Variants in SRPK2 observed in about 807,000 individuals in gnomAD.
SRPK2 encodes the protein SFRS protein kinase 2.
In SRPK2, 21 loss-of-function variants were observed where a neutral mutation model predicts 90.8. The observed-to-expected ratio is 0.23, with a 90% CI of 0.16 to 0.33. The LOEUF (loss-of-function observed/expected upper bound fraction) is 0.33. Ranked by LOEUF, SRPK2 falls within the 10% of genes least tolerant of loss-of-function variation. The pLI is 1.00. For synonymous variants in SRPK2, 288 were observed against 311.1 expected (o/e 0.93, Z 0.78); for missense variants, 620 against 869.0 (o/e 0.71, Z 3.60).
At chr7:105,215,770 T>C (rs1797385874) in intron 2 of SRPK2, among the ~76,000 whole-genome samples, 1 of 152,118 alleles carries the variant, frequency 6.6e-6, no homozygotes, top group Non-Finnish European at 1.5e-5. Context: ...TTGTATAAAA[T>C]GATTACAATA....
intron 1 of SRPK2, among the ~76,000 whole-genome samples, chr7:105,396,285 G>A (rs1822319534): frequency 6.6e-6 from 1 of 151,860 alleles, no homozygotes; most frequent in South Asian, 2.1e-4. Context: ...CAGTCCAGTA[G>A]TTTGACTCCA....
chr7:105,286,708 A>T (rs1306329441), intron 2 of SRPK2, among the ~76,000 whole-genome samples: 1 of 152,238 alleles, frequency 6.6e-6, no homozygotes, highest in Admixed American at 6.5e-5. Flanking sequence ...TAAAATGACA[A>T]TATTGCAAAT....
At chr7:105,271,542 T>G (rs1805830461) in intron 2 of SRPK2, among the ~76,000 whole-genome samples, 1 of 152,248 alleles carries the variant, frequency 6.6e-6, no homozygotes, top group East Asian at 1.9e-4. Context: ...TCCATAGGTC[T>G]GGTAATTCCC....
intron 2 of SRPK2, among the ~76,000 whole-genome samples, chr7:105,250,663 TA>T (rs1424054266): frequency 2.6e-5 from 4 of 152,244 alleles, no homozygotes; most frequent in Non-Finnish European, 5.9e-5. Context: ...AGATCTACTT[TA>T]AAAACATTTA....
At chr7:105,267,631 C>T (rs1274039484) in intron 2 of SRPK2, among the ~76,000 whole-genome samples, 1 of 152,090 alleles carries the variant, frequency 6.6e-6, no homozygotes, top group African/African-American at 2.4e-5. Context: ...TTGTGATGCC[C>T]TAAGTTAGAG....
At chr7:105,163,666 C>T (rs1808050822) in intron 6 of SRPK2, among the ~76,000 whole-genome samples, 6 of 152,124 alleles carry the variant, frequency 3.9e-5, no homozygotes, top group Admixed American at 3.9e-4. Flanking sequence ...ACAAAATTAG[C>T]TGGGCGTGGT....
In SRPK2 at chr7:105,140,635, A is replaced by G. The variant is rs367885277; in HGVS notation, c.1543+1373T>C. Among the ~76,000 whole-genome samples the G allele has an allele frequency of 3.3e-5, 5 of 151,940 alleles. No individual in the cohort carries two copies. The East Asian group carries it at 9.7e-4, about 30-fold the overall frequency. On this transcript the variant is annotated intron_variant, in intron 11 of 15. Transcript: ENST00000393651. ...TAAATAAATGAATGAATAAAATAGA[A>G]ATAATTAAAAAGGTACTTTGTAAAT... is the stretch of plus-strand genomic sequence containing the variant.
At chr7:105,242,501 G>A (rs537100615) in intron 2 of SRPK2, among the ~76,000 whole-genome samples, 2 of 152,024 alleles carry the variant, frequency 1.3e-5, no homozygotes, top group Non-Finnish European at 2.9e-5. Context: ...AAAGGGCGAG[G>A]TTCCATCTCA....
Position 105,374,545 on chromosome 7 carries a change from A to T in SRPK2, c.71+14103T>A, listed in dbSNP as rs117112177. On this transcript the variant is annotated intron_variant, in intron 2 of 15. Coordinates refer to ENST00000393651, the MANE Select transcript of SRPK2 (RefSeq NM_182692.3). ...GCAATAGGGAAATATTTAAGCAAAT[A>T]AAACAAATTAGAATGTTAGTCATTA... Among the ~76,000 whole-genome samples, 804 of 152,348 alleles carry T rather than the reference A, an allele frequency of 5.3e-3. 11 individuals are homozygous for T. In the East Asian group the frequency reaches 0.055, roughly 10 times the overall value.
intron 2 of SRPK2, among the ~76,000 whole-genome samples, chr7:105,301,287 A>G (rs1487867807): frequency 6.2e-4 from 4 of 6,488 alleles, no homozygotes; most frequent in Non-Finnish European, 2.4e-3. Flanking sequence ...CTAAAAATAC[A>G]AAAAAAAAAA....
In SRPK2 at chr7:105,116,432, CA is replaced by C. The variant is rs1799632859; in HGVS notation, c.*1405del. Reference sequence around the variant, plus strand: ...TTAAGACAACTGCAAGCACCTCAAACAATGGATTATTGTTACAACACTTGTT... The same window carrying C: ...TTAAGACAACTGCAAGCACCTCAAACATGGATTATTGTTACAACACTTGTT... On this transcript the variant is annotated 3_prime_UTR_variant, in exon 16 of 16. Transcript: ENST00000393651. 2.0e-5 allele frequency: 3 copies of C among 151,772 alleles called. No homozygotes were observed. Among genetic ancestry groups the C allele is most frequent in the Non-Finnish European group, 4.4e-5 (3 of 67,872 alleles). The allele number at this position is 151,772 out of a possible 1,614,324, so 9.4% of individuals were successfully genotyped here.
At chr7:105,373,393 T>C (rs901849552) in intron 2 of SRPK2, among the ~76,000 whole-genome samples, 13 of 147,564 alleles carry the variant, frequency 8.8e-5, no homozygotes, top group Non-Finnish European at 1.9e-4. Flanking sequence ...AAAAAAATTT[T>C]TTTTCTTTTC....
chr7:105,286,449 T>C (rs1244273327), intron 2 of SRPK2, among the ~76,000 whole-genome samples: 2 of 152,218 alleles, frequency 1.3e-5, no homozygotes, highest in African/African-American at 4.8e-5. Flanking sequence ...TTTTTTGCTA[T>C]ATTTGACCGT....
chr7:105,276,568 T>G (rs1331074066), intron 2 of SRPK2, among the ~76,000 whole-genome samples: 2 of 148,994 alleles, frequency 1.3e-5, no homozygotes, highest in Middle Eastern at 3.4e-3. Flanking sequence ...TGAGACTTCA[T>G]CTCTTAAAAA....
intron 2 of SRPK2, among the ~76,000 whole-genome samples, chr7:105,248,436 TAAAAAAAAAA>T (rs56040288): frequency 1.6e-5 from 2 of 127,874 alleles, no homozygotes; most frequent in Admixed American, 8.0e-5. Context: ...ACAAAAAATT[TAAAAAAAAAA>T]AAAAAAAAAA....
At chr7:105,250,091 G>A (rs1280133439) in intron 2 of SRPK2, among the ~76,000 whole-genome samples, 2 of 152,214 alleles carry the variant, frequency 1.3e-5, no homozygotes, top group Non-Finnish European at 2.9e-5. Context: ...AGCCCTATGG[G>A]AGTCCGAGGG....
chr7:105,331,969 G>C (rs148828065), intron 2 of SRPK2, among the ~76,000 whole-genome samples: 1 of 152,060 alleles, frequency 6.6e-6, no homozygotes, highest in East Asian at 1.9e-4. Flanking sequence ...GACCAGCCTG[G>C]CCAACAGGGT....
chr7:105,229,772 G>A (rs1054003264), intron 2 of SRPK2, among the ~76,000 whole-genome samples: 2 of 141,436 alleles, frequency 1.4e-5, no homozygotes, highest in Admixed American at 7.1e-5. Context: ...TTTCAAGTAA[G>A]AACTTGCACT....
intron 2 of SRPK2, among the ~76,000 whole-genome samples, chr7:105,222,971 T>G (rs1798286156): frequency 6.6e-6 from 1 of 152,226 alleles, no homozygotes; most frequent in Admixed American, 6.5e-5. Context: ...TTCTTTTAAG[T>G]TTTAATTTTC....
Sources: allele counts gnomAD v4.1 joint callset (sites outside exome capture counted in the v4.1 genomes callset), GRCh38; gene constraint gnomAD v4.1.1; transcripts MANE v1.5; gene names NCBI Gene and HGNC (gene_info 2026-07-23, HGNC 2026-07-21).